The following B3GNT2 variants were observed in gnomAD, a reference collection of about 807,000 sequenced individuals.
B3GNT2 encodes N-acetyllactosaminide beta-1,3-N-acetylglucosaminyltransferase 2.
Under a neutral mutation model 27.6 loss-of-function variants are expected in B3GNT2, and 12 were observed. The observed-to-expected ratio is 0.44, with a 90% CI of 0.28 to 0.71. The LOEUF is 0.71. Among genes scored for constraint, B3GNT2 ranks in the 30% least tolerant of loss-of-function variants. The pLI is 0.17. For missense variants in B3GNT2, 413 were observed against 488.5 expected (o/e 0.85, Z 1.46); for synonymous variants, 192 against 189.7 (o/e 1.01, Z -0.10).
chr2:62,203,883 C>T (rs1224306023), intron 1 of B3GNT2, among the ~76,000 whole-genome samples: 1 of 152,116 alleles, frequency 6.6e-6, no homozygotes, highest in Non-Finnish European at 1.5e-5. Flanking sequence ...GCTCCTGTTT[C>T]CCACCTCCCT....
intron 1 of B3GNT2, among the ~76,000 whole-genome samples, chr2:62,206,494 CT>C (rs770207778): frequency 3.5e-4 from 53 of 152,188 alleles, no homozygotes; most frequent in Middle Eastern, 3.4e-3. Flanking sequence ...TCCTTGATAC[CT>C]TTATCTCATT....
chr2:62,212,660 C>T (rs548349754), intron 1 of B3GNT2, among the ~76,000 whole-genome samples: 1 of 151,818 alleles, frequency 6.6e-6, no homozygotes, highest in African/African-American at 2.4e-5. Flanking sequence ...CCTAGGTACC[C>T]AGGAGTTTTT....
Position 62,222,191 on chromosome 2 carries a change from T to TAA in B3GNT2, c.-9-20_-9-19insAA. 6.5e-7 allele frequency: 1 copy of TAA among 1,547,546 alleles called. No homozygotes were observed. The highest frequency in any genetic ancestry group is 1.3e-5 in the South Asian group (1 of 79,998). On this transcript the variant is annotated intron_variant, in intron 1 of 1. Transcript: ENST00000301998. The surrounding 1 kb of genome is among the most constrained non-coding windows in gnomAD (Gnocchi z 4.2). ...GCAAATTGATAAGTAATTGATACAATACTCCACCCCTTTATTCCAGATATG... is the reference window on the plus strand; with the variant it reads ...GCAAATTGATAAGTAATTGATACAATAAACTCCACCCCTTTATTCCAGATATG...
Position 62,212,076 on chromosome 2 carries a change from C to T in B3GNT2, c.-9-10136C>T, listed in dbSNP as rs151313612. ...AAGTATTGCCTTCCTGCTCCAAATTCACCCTCAGTTGCCTGATCTCTGAAA... is the reference window on the plus strand; with the variant it reads ...AAGTATTGCCTTCCTGCTCCAAATTTACCCTCAGTTGCCTGATCTCTGAAA... On this transcript the variant is annotated intron_variant, in intron 1 of 1. Transcript: ENST00000301998. Among the ~76,000 whole-genome samples, 570 of 152,318 alleles carry T rather than the reference C, an allele frequency of 3.7e-3. 8 individuals are homozygous for T. The highest frequency in any genetic ancestry group is 0.013 in the African/African-American group (539 of 41,554).
At chr2:62,216,795 C>T (rs1262655128) in intron 1 of B3GNT2, among the ~76,000 whole-genome samples, 1 of 152,212 alleles carries the variant, frequency 6.6e-6, no homozygotes, top group African/African-American at 2.4e-5. Flanking sequence ...AAATTAAAAA[C>T]AGCCTCTTAG....
chr2:62,198,872 C>T (rs1228045162), intron 1 of B3GNT2, among the ~76,000 whole-genome samples: 1 of 152,080 alleles, frequency 6.6e-6, no homozygotes, highest in Non-Finnish European at 1.5e-5. Context: ...AGGGCTTTTT[C>T]AGCTGATGCA....
chr2:62,212,298 G>C (rs536833863), intron 1 of B3GNT2, among the ~76,000 whole-genome samples: 1 of 152,006 alleles, frequency 6.6e-6, no homozygotes, highest in Admixed American at 6.6e-5. Flanking sequence ...CTCTGGCATC[G>C]GTGGTACCAG....
Position 62,223,222 on chromosome 2 carries a change from T to C in B3GNT2, c.1002T>C (p.Val334=), listed in dbSNP as rs749579924. ...TCCATCTCTACCCCATTGATGACGTTTATACTGGAATGTGCCTTCAGAAAC... is the reference window on the plus strand; with the variant it reads ...TCCATCTCTACCCCATTGATGACGTCTATACTGGAATGTGCCTTCAGAAAC... ...DQVHLYPIDD[V]YTGMCLQKLG... Residue 334 remains valine (V), a synonymous_variant, in exon 2 of 2, where the codon GTT becomes GTC. Coordinates refer to ENST00000301998, the MANE Select transcript of B3GNT2 (RefSeq NM_006577.6). 1.2e-6 allele frequency: 2 copies of C among 1,614,172 alleles called. No homozygotes were observed. The highest frequency in any genetic ancestry group is 1.7e-6 in the Non-Finnish European group (2 of 1,180,024).
chr2:62,223,677 T>G lies in B3GNT2; in HGVS notation c.*263T>G. 3.1e-6 allele frequency: 1 copy of G among 327,756 alleles called. No homozygotes were observed. The highest frequency in any genetic ancestry group is 5.9e-6 in the Non-Finnish European group (1 of 170,070). 20.3% of individuals were successfully genotyped at this position (327,756 alleles called of 1,614,324 possible). ...GGTCATTTTTAAAAAACTTGTACCC[T>G]CTTATCTGAAATCCTGTTTCTGGAA... On this transcript the variant is annotated 3_prime_UTR_variant, in exon 2 of 2. Transcript: ENST00000301998.
chr2:62,217,410 C>G (rs1674597403), intron 1 of B3GNT2, among the ~76,000 whole-genome samples: 1 of 152,178 alleles, frequency 6.6e-6, no homozygotes, highest in Non-Finnish European at 1.5e-5. Flanking sequence ...GCGAAATAAG[C>G]AGTGGGAATT....
At position 62,212,480 on chromosome 2, in the gene B3GNT2, G is replaced by A. The variant is rs56203785; in HGVS notation, c.-9-9732G>A. 7.2e-3 allele frequency among the ~76,000 whole-genome samples: 1,096 copies of A among 152,008 alleles called. 9 individuals are homozygous for A. The highest frequency in any genetic ancestry group is 0.016 in the Admixed American group (237 of 15,258). Reference sequence around the variant, plus strand: ...GCTCTGGCCTAGGGTATACATTGACGTGGTAAGCTCCTATGGAGGGAGGCC... The same window carrying A: ...GCTCTGGCCTAGGGTATACATTGACATGGTAAGCTCCTATGGAGGGAGGCC... On this transcript the variant is annotated intron_variant, in intron 1 of 1. Coordinates refer to ENST00000301998, the MANE Select transcript of B3GNT2 (RefSeq NM_006577.6).
intron 1 of B3GNT2, among the ~76,000 whole-genome samples, chr2:62,204,931 C>T (rs1023601140): frequency 2.6e-5 from 4 of 152,162 alleles, no homozygotes; most frequent in African/African-American, 4.8e-5. Context: ...ACCCCACTCA[C>T]GACTAGGGGC....
At chr2:62,204,538 C>T (rs1313553396) in intron 1 of B3GNT2, among the ~76,000 whole-genome samples, 1 of 152,156 alleles carries the variant, frequency 6.6e-6, no homozygotes, top group Admixed American at 6.5e-5. Flanking sequence ...AAATGCTATC[C>T]TTTCTAAATA....
intron 1 of B3GNT2, among the ~76,000 whole-genome samples, chr2:62,210,724 C>T (rs1214117609): frequency 2.6e-5 from 4 of 151,690 alleles, no homozygotes; most frequent in South Asian, 4.2e-4. Context: ...GAGCCGAGAT[C>T]GCACCACTGA....
rs1674532238 is a variant in B3GNT2 at position 62,214,372 on chromosome 2, G to A, written c.-9-7840G>A. 2.0e-5 allele frequency among the ~76,000 whole-genome samples: 3 copies of A among 149,596 alleles called. No individual in the cohort carries two copies. In the South Asian group the frequency reaches 6.5e-4, roughly 32 times the overall value. ...AGATGAGGAGGGAGCTACCAGTGGC[G>A]TAATAGAAGCACCTGGCTCCTGGCT... On this transcript the variant is annotated intron_variant, in intron 1 of 1. Transcript: ENST00000301998.
intron 1 of B3GNT2, among the ~76,000 whole-genome samples, chr2:62,211,022 T>C (rs1048443315): frequency 1.3e-5 from 2 of 152,082 alleles, no homozygotes; most frequent in African/African-American, 2.4e-5. Flanking sequence ...TTTTCAGTTA[T>C]AGGAAAAATC....
intron 1 of B3GNT2, among the ~76,000 whole-genome samples, chr2:62,197,588 T>A (rs999239872): frequency 1.3e-5 from 2 of 152,208 alleles, no homozygotes; most frequent in Admixed American, 6.5e-5. Context: ...CTTTTGCCCT[T>A]CTCTTGTTGG....
intron 1 of B3GNT2, among the ~76,000 whole-genome samples, chr2:62,197,092 G>GGGGGT (rs1558629659): frequency 6.6e-5 from 10 of 152,236 alleles, no homozygotes; most frequent in Admixed American, 6.5e-5. Context: ...CCCGAGTCGT[G>GGGGGT]GGGGTGGGGT....
At position 62,222,357 on chromosome 2, in the gene B3GNT2, A is replaced by G. The variant is rs1674716390; in HGVS notation, c.137A>G (p.Glu46Gly). ...AAAGGGGAAGTAATAATACCCAAAG[A>G]GAAGTTCTGGAAGATATCTACCCCT... The part of the protein sequence containing the change: ...NGKGEVIIPK[E>G]KFWKISTPPE... The change falls in exon 2 of 2, where the codon GAG (glutamate) becomes GGG (glycine). Residue 46 changes from glutamate (E) to glycine (G), a missense_variant. Physicochemically the swap from Glu to Gly is moderately conservative, Grantham distance 98. Coordinates refer to ENST00000301998, the MANE Select transcript of B3GNT2 (RefSeq NM_006577.6). The surrounding 1 kb of genome is among the most constrained non-coding windows in gnomAD (Gnocchi z 4.2). 1 of 1,614,160 alleles carries G rather than the reference A, an allele frequency of 6.2e-7. No individual in the cohort carries two copies.
Sources: allele counts gnomAD v4.1 joint callset (sites outside exome capture counted in the v4.1 genomes callset), GRCh38; gene constraint gnomAD v4.1.1; non-coding constraint Gnocchi (gnomAD v3.1); transcripts MANE v1.5; gene names NCBI Gene and HGNC (gene_info 2026-07-23, HGNC 2026-07-21).